RGL1: variants seen among roughly 807,000 people sequenced by gnomAD.
RGL1 encodes ral guanine nucleotide dissociation stimulator-like 1.
A neutral mutation model predicts 95.2 loss-of-function variants in RGL1; 24 were observed. The observed-to-expected ratio is 0.25, with a 90% CI of 0.18 to 0.35. The LOEUF (loss-of-function observed/expected upper bound fraction) is 0.35, where lower values mean the gene tolerates loss of function less well. RGL1 is among the 10% of genes least tolerant of loss of function. RGL1 has a pLI of 1.00. For missense variants in RGL1, 715 were observed against 936.3 expected (o/e 0.76, Z 3.08); for synonymous variants, 329 against 344.9 (o/e 0.95, Z 0.51).
chr1:183,862,930 G>GC (rs1481161484), intron 3 of RGL1, among the ~76,000 whole-genome samples: 2 of 152,210 alleles, frequency 1.3e-5, no homozygotes, highest in Non-Finnish European at 2.9e-5. Context: ...GGTATTAAAA[G>GC]CCATAGAGAA....
At position 183,703,026 on chromosome 1, in the gene RGL1, C is replaced by T. The variant is rs144699864; in HGVS notation, c.-32-39100C>T. Among the ~76,000 whole-genome samples, 43 of 152,210 alleles carry T rather than the reference C, an allele frequency of 2.8e-4. No homozygotes were observed. In the East Asian group the frequency reaches 6.2e-3, roughly 22 times the overall value. Reference sequence around the variant, plus strand: ...CGGTCTTCAGGGGGTACATGTCTTCCGGCCAGTTCTCTTCCTGCTTCTGCC... The same window carrying T: ...CGGTCTTCAGGGGGTACATGTCTTCTGGCCAGTTCTCTTCCTGCTTCTGCC... On this transcript the variant is annotated intron_variant, in intron 1 of 18. Coordinates refer to the RGL1 transcript ENST00000304685.
intron 1 of RGL1, among the ~76,000 whole-genome samples, chr1:183,656,937 T>G (rs1390770269): frequency 6.6e-6 from 1 of 151,954 alleles, no homozygotes; most frequent in Non-Finnish European, 1.5e-5. Context: ...TACCCAATGT[T>G]TGCTTTACAT....
At position 183,806,441 on chromosome 1, in the gene RGL1, G is replaced by C. The variant is rs1341316405; in HGVS notation, c.94G>C (p.Val32Leu). ...GAVYHVTLKR[V>L]QIQQAANKGA... ...TGTTTACCATGTCACCCTCAAAAGA[G>C]TCCAGATTCAACAGGCTGCCAATAA... The change falls in exon 2 of 18, where the codon GTC becomes CTC. Residue 32 changes from valine (V) to leucine (L), a missense_variant. Around this residue, in one of 3 missense-constraint regions of RGL1, gnomAD observed 381 missense variants for 484.8 expected, o/e 0.79. Coordinates refer to ENST00000360851, the MANE Select transcript of RGL1 (RefSeq NM_001297671.3). The C allele has an allele frequency of 6.2e-7, 1 of 1,614,074 alleles. No homozygotes were observed. The highest frequency in any genetic ancestry group is 1.3e-5 in the African/African-American group (1 of 75,024).
At chr1:183,796,164 A>AT (rs566005120) in intron 2 of RGL1, among the ~76,000 whole-genome samples, 2,278 of 128,086 alleles carry the variant, frequency 0.018, 36 homozygotes, top group African/African-American at 0.037. Flanking sequence ...TTGTATTCCT[A>AT]TTTTTTTTTT....
chr1:183,708,995 C>T (rs1465144921), intron 1 of RGL1, among the ~76,000 whole-genome samples: 1 of 152,180 alleles, frequency 6.6e-6, no homozygotes, highest in Admixed American at 6.5e-5. Context: ...TTAATGTGTG[C>T]CTGGGTGCAG....
chr1:183,682,519 G>A (rs1028992694), intron 1 of RGL1, among the ~76,000 whole-genome samples: 1 of 152,184 alleles, frequency 6.6e-6, no homozygotes, highest in African/African-American at 2.4e-5. Flanking sequence ...TGATTGCACT[G>A]TGTTCTGAGA....
intron 1 of RGL1, among the ~76,000 whole-genome samples, chr1:183,657,254 G>A (rs1175061315): frequency 3.3e-5 from 5 of 151,942 alleles, no homozygotes; most frequent in African/African-American, 1.2e-4. Context: ...TCTAATCAAT[G>A]TTTTACAGTT....
chr1:183,880,874 C>CAG, intron 5 of RGL1, 74 bp downstream of exon 5: 1 of 1,403,968 alleles, frequency 7.1e-7, no homozygotes, highest in Non-Finnish European at 9.7e-7. Flanking sequence ...AAAGGTTCTC[C>CAG]CTGTGCTGGC....
At chr1:183,683,900 T>G (rs1233373750) in intron 1 of RGL1, among the ~76,000 whole-genome samples, 1 of 152,184 alleles carries the variant, frequency 6.6e-6, no homozygotes, top group African/African-American at 2.4e-5. Context: ...GTCTTCACAC[T>G]TTATTTCATT....
At chr1:183,795,615 G>A (rs1161566080) in intron 2 of RGL1, among the ~76,000 whole-genome samples, 1 of 152,150 alleles carries the variant, frequency 6.6e-6, no homozygotes, top group Non-Finnish European at 1.5e-5. Context: ...GGCAGGCAGG[G>A]GCTAACCTGG....
chr1:183,762,575 C>CCTG lies in RGL1; in HGVS notation c.132+20289_132+20291dup, dbSNP rs1317012903. On this transcript the variant is annotated intron_variant, in intron 2 of 18. Coordinates refer to the RGL1 transcript ENST00000304685. ...ACATACTGTTGAAAAAATGGCAAGA[C>CCTG]CTGCTTGATGCGGGGTTGCCACAAA... 2.0e-5 allele frequency among the ~76,000 whole-genome samples: 3 copies of CCTG among 152,192 alleles called. No individual in the cohort carries two copies. In the East Asian group the frequency reaches 5.8e-4, roughly 29 times the overall value.
At chr1:183,867,641 A>G (rs1334550483) in intron 4 of RGL1, among the ~76,000 whole-genome samples, 1 of 151,618 alleles carries the variant, frequency 6.6e-6, no homozygotes, top group Non-Finnish European at 1.5e-5. Context: ...TTGGTTGTAT[A>G]TGTGTTTTTT....
At chr1:183,764,086 A>G (rs1245043567) in intron 2 of RGL1, among the ~76,000 whole-genome samples, 2 of 152,230 alleles carry the variant, frequency 1.3e-5, no homozygotes, top group Non-Finnish European at 2.9e-5. Context: ...GTTGAGATAC[A>G]AAAATTATTT....
At chr1:183,647,437 T>C in intron 1 of RGL1, 2 of 424,034 alleles carry the variant, frequency 4.7e-6, no homozygotes, top group Non-Finnish European at 7.7e-6. Context: ...AATGGTTCCA[T>C]TTTGATACTG....
chr1:183,737,914 T>G (rs566238949), intron 1 of RGL1, among the ~76,000 whole-genome samples: 1 of 152,336 alleles, frequency 6.6e-6, no homozygotes, highest in East Asian at 1.9e-4. Context: ...CTGTTTTGGG[T>G]ATCAGGTGTT....
chr1:183,903,879 T>C (rs867408497), intron 12 of RGL1, among the ~76,000 whole-genome samples: 1 of 152,222 alleles, frequency 6.6e-6, no homozygotes. Flanking sequence ...TAGACGATAC[T>C]TTTTTCTTTA....
intron 16 of RGL1, among the ~76,000 whole-genome samples, chr1:183,918,272 G>A (rs1381676138): frequency 6.6e-6 from 1 of 152,194 alleles, no homozygotes; most frequent in Non-Finnish European, 1.5e-5. Flanking sequence ...CCACAGGGGG[G>A]ACGTGGTCTC....
At chr1:183,760,787 A>C (rs1658623963) in intron 2 of RGL1, among the ~76,000 whole-genome samples, 1 of 152,124 alleles carries the variant, frequency 6.6e-6, no homozygotes, top group Admixed American at 6.5e-5. Flanking sequence ...CAGTGCTCCC[A>C]AACCCTGCTG....
intron 3 of RGL1, among the ~76,000 whole-genome samples, chr1:183,858,144 A>G (rs1334954346): frequency 6.6e-6 from 1 of 152,206 alleles, no homozygotes; most frequent in African/African-American, 2.4e-5. Context: ...ACTACAAAAC[A>G]AAACTGACAA....
Sources: allele counts gnomAD v4.1 joint callset (sites outside exome capture counted in the v4.1 genomes callset), GRCh38; gene constraint gnomAD v4.1.1; regional missense constraint gnomAD v4.1.1; transcripts MANE v1.5; gene names NCBI Gene and HGNC (gene_info 2026-07-23, HGNC 2026-07-21).